Variants in TOR1A observed in about 807,000 individuals in gnomAD.
TOR1A encodes torsin family 1 member A, also known as torsin-1A.
In TOR1A, 18 loss-of-function variants were observed where a neutral mutation model predicts 31.4. That is an observed-to-expected ratio of 0.57 (90% CI 0.40 to 0.85). TOR1A has a LOEUF of 0.85. Among genes scored for constraint, TOR1A ranks in the 40% least tolerant of loss-of-function variants. The probability of loss-of-function intolerance (pLI) is 0.00; values close to 1 mark genes in which losing one functional copy is unlikely to be tolerated. For missense variants in TOR1A, 375 were observed against 416.4 expected, an observed-to-expected ratio of 0.90 and a Z score of 0.87; for synonymous variants, 168 against 165.9, an observed-to-expected ratio of 1.01 and a Z score of -0.10.
intron 2 of TOR1A, chr9:129,821,307 C>T (rs754013156): frequency 2.0e-5 from 3 of 152,156 alleles, no homozygotes; most frequent in Non-Finnish European, 4.4e-5. Context: ...AAGAATGAAA[C>T]TCAGTCTCAA....
chr9:129,814,339 C>T (rs2030977917), intron 4 of TOR1A, 117 bp from the exon 5 acceptor site: 9 of 1,485,638 alleles, frequency 6.1e-6, no homozygotes, highest in South Asian at 1.2e-5. Context: ...CTGGGGGTCA[C>T]CTATCCATGC....
chr9:129,813,165 T>C lies in TOR1A; in HGVS notation c.*807A>G, dbSNP rs929975985. On this transcript the variant is annotated 3_prime_UTR_variant, in exon 5 of 5. Coordinates refer to ENST00000351698, the MANE Select transcript of TOR1A (RefSeq NM_000113.3). The stretch of plus-strand genomic sequence containing the variant: ...CGTGTGGGCTATTTGGAATGGACAG[T>C]GAAGGGCCACCTTTTGCAAAACGGA... 2.6e-5 allele frequency: 4 copies of C among 152,418 alleles called. No homozygotes were observed. Among genetic ancestry groups the C allele is most frequent in the East Asian group, 1.9e-4 (1 of 5,202 alleles). 9.4% of individuals were successfully genotyped at this position (152,418 alleles called of 1,614,324 possible). A position where few individuals can be genotyped will look rare whatever the true frequency, so the allele number is the denominator to read the frequency against.
At chr9:129,818,463 C>A in intron 4 of TOR1A, 57 bp downstream of exon 4, 1 of 1,610,450 alleles carries the variant, frequency 6.2e-7, no homozygotes, top group South Asian at 1.1e-5. Context: ...ATGCTTTTAA[C>A]ACTTAGGGTG....
At position 129,822,698 on chromosome 9, in the gene TOR1A, A is replaced by G. The variant is rs989906634; in HGVS notation, c.327T>C (p.Asn109=). The change falls in exon 2 of 5, where the codon AAT becomes AAC. Residue 109 remains asparagine, a synonymous_variant. Transcript: ENST00000351698. ...TCTCTGCGATGATCTTGCTGACGAA[A>G]TTTTTGCCGGTGCCTGTCCACCCGT... ...SLHGWTGTGK[N]FVSKIIAENI... 2 of 1,614,028 alleles carry G rather than the reference A, an allele frequency of 1.2e-6. No individual in the cohort carries two copies. The highest frequency in any genetic ancestry group is 2.7e-5 in the African/African-American group (2 of 74,886).
chr9:129,817,609 G>A (rs1203930201), intron 4 of TOR1A, among the ~76,000 whole-genome samples: 5 of 150,896 alleles, frequency 3.3e-5, no homozygotes, highest in Non-Finnish European at 5.9e-5. Flanking sequence ...TGAGGCAGGA[G>A]AATGGTGTGA....
At position 129,814,061 on chromosome 9, in the gene TOR1A, T is replaced by C. The variant is rs753167620; in HGVS notation, c.910A>G (p.Met304Val). 2 of 1,614,172 alleles carry C rather than the reference T, an allele frequency of 1.2e-6. No individual in the cohort carries two copies. Among genetic ancestry groups the C allele is most frequent in the Non-Finnish European group, 1.7e-6 (2 of 1,180,030 alleles). Residue 304 changes from methionine to valine, a missense_variant, in exon 5 of 5, where the codon ATG becomes GTG. By Grantham distance (21) the Met-to-Val change is conservative. Transcript: ENST00000351698. ...EDIVSRVAEE[M>V]TFFPKEERVF... is the part of the protein sequence containing the mutation. Reference sequence around the variant, plus strand: ...CTCTCCTCTTTGGGGAAAAATGTCATCTCCTCAGCCACTCTGCTTACAATG... The same window carrying C: ...CTCTCCTCTTTGGGGAAAAATGTCACCTCCTCAGCCACTCTGCTTACAATG...
At chr9:129,822,884 C>G in intron 1 of TOR1A, 38 bp from the exon 2 acceptor site, 1 of 1,614,014 alleles carries the variant, frequency 6.2e-7, no homozygotes, top group Non-Finnish European at 8.5e-7. Flanking sequence ...GGGGAAGAAA[C>G]AGCGGCAAAA....
At chr9:129,815,491 C>T (rs141850032) in intron 4 of TOR1A, among the ~76,000 whole-genome samples, 447 of 152,356 alleles carry the variant, frequency 2.9e-3, no homozygotes, top group Non-Finnish European at 5.5e-3. Context: ...GAATGCCACA[C>T]AGCAGAACGG....
In TOR1A at chr9:129,824,025, C is replaced by T; in HGVS notation, c.61G>A (p.Val21Met). The T allele has an allele frequency of 1.2e-6, 2 of 1,608,840 alleles. No homozygotes were observed. Among genetic ancestry groups the T allele is most frequent in the Non-Finnish European group, 8.5e-7 (1 of 1,178,660 alleles). The change falls in exon 1 of 5, where the codon GTG becomes ATG. Residue 21 changes from valine to methionine, a missense_variant. Physicochemically the swap from Val to Met is conservative, Grantham distance 21. Coordinates refer to ENST00000351698, the MANE Select transcript of TOR1A (RefSeq NM_000113.3). ...GCCAGTCCCAGGCTGATGGGCTCCA[C>T]CGCCTGCACCACGGACGGCGCCAGC... ...LLLAPSVVQAVEPISLGLALA... is the reference protein window; with the variant it reads ...LLLAPSVVQAMEPISLGLALA...
At position 129,823,783 on chromosome 9, in the gene TOR1A, GC is replaced by G. The variant is rs2031252615; in HGVS notation, c.178+124del. ...AGGCCCCGCTCCAGCCCTAGTCCTA[GC>G]CCGGCCCTGGTGCCATCCCCCGGCC... On this transcript the variant is annotated intron_variant, in intron 1 of 4. Coordinates refer to ENST00000351698, the MANE Select transcript of TOR1A (RefSeq NM_000113.3). The G allele has an allele frequency of 2.4e-5, 27 of 1,125,214 alleles. No individual in the cohort carries two copies. The East Asian group carries it at 9.0e-4, about 37-fold the overall frequency. 69.7% of individuals were successfully genotyped at this position (1,125,214 alleles called of 1,614,324 possible). A position where few individuals can be genotyped will look rare whatever the true frequency, so the allele number is the denominator to read the frequency against.
Position 129,816,246 on chromosome 9 carries a change from C to T in TOR1A, c.749-2024G>A, listed in dbSNP as rs1442359020. On this transcript the variant is annotated intron_variant, in intron 4 of 4. Coordinates refer to ENST00000351698, the MANE Select transcript of TOR1A (RefSeq NM_000113.3). ...CTCAGACATCCACATGGCTCACTCC[C>T]CCGGGTCAGCCCAAATGCCACCCTC... 3.3e-5 allele frequency among the ~76,000 whole-genome samples: 5 copies of T among 152,194 alleles called. No homozygotes were observed. The South Asian group carries it at 8.3e-4, about 25-fold the overall frequency.
chr9:129,818,556 G>A lies in TOR1A; in HGVS notation c.712C>T (p.His238Tyr). ...REDIKLKDIE[H>Y]ALSVSVFNNK... Reference sequence around the variant, plus strand: ...TTGAAAACCGACACAGACAACGCGTGTTCAATGTCTTTGAGCTTGATGTCT... The same window carrying A: ...TTGAAAACCGACACAGACAACGCGTATTCAATGTCTTTGAGCTTGATGTCT... Residue 238 changes from histidine to tyrosine, a missense_variant, in exon 4 of 5, where the codon CAC becomes TAC. His to Tyr is a moderately conservative substitution (Grantham distance 83). Transcript: ENST00000351698. 1.2e-6 allele frequency: 2 copies of A among 1,614,192 alleles called. No homozygotes were observed. Among genetic ancestry groups the A allele is most frequent in the Non-Finnish European group, 1.7e-6 (2 of 1,180,040 alleles).
intron 2 of TOR1A, 95 bp downstream of exon 2, chr9:129,822,486 C>T (rs933512347): frequency 5.8e-6 from 9 of 1,542,222 alleles, no homozygotes; most frequent in African/African-American, 1.4e-5. Flanking sequence ...TCCGGGCTCA[C>T]TCATTTCAAC....
At chr9:129,822,394 C>T in intron 2 of TOR1A, 187 bp downstream of exon 2, 1 of 825,448 alleles carries the variant, frequency 1.2e-6, no homozygotes, top group Non-Finnish European at 2.0e-6. Context: ...CACCACAAAG[C>T]TTTGATGGTA....
At chr9:129,823,256 G>A (rs538115404) in intron 1 of TOR1A, 89 of 337,340 alleles carry the variant, frequency 2.6e-4, no homozygotes, top group African/African-American at 1.7e-3. Context: ...ACCCACTTCG[G>A]AGGGAGGTTA....
chr9:129,820,053 A>C (rs1486983987), intron 2 of TOR1A, among the ~76,000 whole-genome samples: 2 of 152,134 alleles, frequency 1.3e-5, no homozygotes, highest in African/African-American at 4.8e-5. Flanking sequence ...TCTGGTGACC[A>C]AACTTATATG....
In TOR1A at chr9:129,813,650, T is replaced by C. The variant is rs1468273630; in HGVS notation, c.*322A>G. 2.3e-6 allele frequency: 1 copy of C among 440,790 alleles called. No individual in the cohort carries two copies. The highest frequency in any genetic ancestry group is 4.1e-6 in the Non-Finnish European group (1 of 241,056). The allele number at this position is 440,790 out of a possible 1,614,324, so 27.3% of individuals were successfully genotyped here. On this transcript the variant is annotated 3_prime_UTR_variant, in exon 5 of 5. Coordinates refer to ENST00000351698, the MANE Select transcript of TOR1A (RefSeq NM_000113.3). ...AAGTTACCACATTTTCAATAAAACT[T>C]ATTCATCCTTCCTTGAAACAGAAAC...
chr9:129,813,571 C>A lies in TOR1A; in HGVS notation c.*401G>T. 3.3e-6 allele frequency: 1 copy of A among 304,694 alleles called. No individual in the cohort carries two copies. Among genetic ancestry groups the A allele is most frequent in the South Asian group, 3.0e-5 (1 of 32,856 alleles). 18.9% of individuals were successfully genotyped at this position (304,694 alleles called of 1,614,324 possible). A position where few individuals can be genotyped will look rare whatever the true frequency, so the allele number is the denominator to read the frequency against. The stretch of plus-strand genomic sequence containing the variant: ...CTTAAAAAAAAACACACACACAAGG[C>A]CAACAACTTAGAATCTGAGCAGTCT... On this transcript the variant is annotated 3_prime_UTR_variant, in exon 5 of 5. Coordinates refer to ENST00000351698, the MANE Select transcript of TOR1A (RefSeq NM_000113.3).
At chr9:129,818,443 A>G in intron 4 of TOR1A, 77 bp downstream of exon 4, 1 of 1,600,488 alleles carries the variant, frequency 6.2e-7, no homozygotes, top group East Asian at 2.2e-5. Flanking sequence ...TGATGCTGAC[A>G]GTGACCCTGA....
Sources: allele counts gnomAD v4.1 joint callset (sites outside exome capture counted in the v4.1 genomes callset), GRCh38; gene constraint gnomAD v4.1.1; transcripts MANE v1.5; gene names NCBI Gene and HGNC (gene_info 2026-07-23, HGNC 2026-07-21).